Variants in ATP2B2 observed in about 807,000 individuals in gnomAD.
ATP2B2 encodes the protein ATPase plasma membrane Ca2+ transporting 2.
In ATP2B2, 15 loss-of-function variants were observed where a neutral mutation model predicts 120.0. That is an observed-to-expected ratio of 0.12 (90% CI 0.08 to 0.19). The LOEUF (loss-of-function observed/expected upper bound fraction) is 0.19, where lower values mean the gene tolerates loss of function less well. Among genes scored for constraint, ATP2B2 ranks in the 10% least tolerant of loss-of-function variants. ATP2B2 has a pLI of 1.00. For missense variants in ATP2B2, 1,045 were observed against 1,719.8 expected (o/e 0.61, Z 6.94); for synonymous variants, 694 against 700.3 (o/e 0.99, Z 0.14).
intron 2 of ATP2B2, among the ~76,000 whole-genome samples, chr3:10,566,692 A>G (rs1266524307): frequency 2.6e-5 from 4 of 152,252 alleles, no homozygotes; most frequent in African/African-American, 9.6e-5. Context: ...TATACATCAA[A>G]TCACTGGAAA....
chr3:10,350,925 T>A (rs764946049), intron 14 of ATP2B2, among the ~76,000 whole-genome samples: 15 of 152,174 alleles, frequency 9.9e-5, no homozygotes, highest in Non-Finnish European at 2.1e-4. Flanking sequence ...GAACGCCTCC[T>A]CAGATCTGGC....
Position 10,338,258 on chromosome 3 carries a change from A to T in ATP2B2, c.3338T>A (p.Val1113Glu). The part of the protein sequence containing the change: ...EIPEEELNED[V>E]EEIDHAEREL... Reference sequence around the variant, plus strand: ...CCGCTCCGCGTGGTCGATCTCCTCCACGTCCTCGTTGAGCTCCTCCTCCGG... The same window carrying T: ...CCGCTCCGCGTGGTCGATCTCCTCCTCGTCCTCGTTGAGCTCCTCCTCCGG... The change falls in exon 22 of 23, where the codon GTG becomes GAG. Residue 1113 changes from valine to glutamate, a missense_variant. Physicochemically the swap from Val to Glu is moderately radical, Grantham distance 121. Transcript: ENST00000360273. The T allele has an allele frequency of 3.7e-6, 6 of 1,613,982 alleles. No homozygotes were observed. Among genetic ancestry groups the T allele is most frequent in the Non-Finnish European group, 4.2e-6 (5 of 1,179,938 alleles).
intron 1 of ATP2B2, among the ~76,000 whole-genome samples, chr3:10,679,189 A>G (rs1559517862): frequency 6.6e-6 from 1 of 152,202 alleles, no homozygotes; most frequent in Non-Finnish European, 1.5e-5. Context: ...TGAGACCCCA[A>G]GCAGAGGATA....
At chr3:10,678,962 G>T (rs1046353659) in intron 1 of ATP2B2, among the ~76,000 whole-genome samples, 2 of 152,176 alleles carry the variant, frequency 1.3e-5, no homozygotes, top group Non-Finnish European at 2.9e-5. Context: ...GCCAAATGTA[G>T]ATTGTTGTAG....
chr3:10,634,977 G>T (rs905887401), intron 1 of ATP2B2, among the ~76,000 whole-genome samples: 71 of 152,298 alleles, frequency 4.7e-4, no homozygotes, highest in African/African-American at 1.6e-3. Context: ...TGGGGTGGGT[G>T]TGTCAGGGAG....
At chr3:10,642,148 C>T (rs2070191147) in intron 1 of ATP2B2, among the ~76,000 whole-genome samples, 1 of 152,212 alleles carries the variant, frequency 6.6e-6, no homozygotes, top group African/African-American at 2.4e-5. Context: ...GTGAATCTGG[C>T]TTTGTCACTT....
rs574053109 is a variant in ATP2B2, at chr3:10,504,178, A to G, written c.-320+1287T>C. Among the ~76,000 whole-genome samples the G allele has an allele frequency of 2.0e-5, 3 of 151,898 alleles. No homozygotes were observed. In the East Asian group the frequency reaches 5.8e-4, roughly 29 times the overall value. Reference sequence around the variant, plus strand: ...ATCTTTCCTGGACCCCCAACCCCCCACAGGACTCCCCAGAGCTGCAGCCCC... The same window carrying G: ...ATCTTTCCTGGACCCCCAACCCCCCGCAGGACTCCCCAGAGCTGCAGCCCC... On this transcript the variant is annotated intron_variant, in intron 1 of 22. Transcript: ENST00000360273.
chr3:10,629,470 T>C (rs1412716640), intron 1 of ATP2B2, among the ~76,000 whole-genome samples: 1 of 152,216 alleles, frequency 6.6e-6, no homozygotes, highest in Non-Finnish European at 1.5e-5. Context: ...ATAGGGCACA[T>C]TTCCCGCCGA....
chr3:10,346,024 T>C lies in ATP2B2; in HGVS notation c.2511+7A>G, dbSNP rs2060421928. 6.2e-7 allele frequency: 1 copy of C among 1,609,886 alleles called. No homozygotes were observed. Among genetic ancestry groups the C allele is most frequent in the Admixed American group, 1.7e-5 (1 of 59,954 alleles). Reference sequence around the variant, plus strand: ...ACCACCCCAGGCCCTCTGTGGGCCGTTCCTACCATGGCGAAGCCCACGTCG... The same window carrying C: ...ACCACCCCAGGCCCTCTGTGGGCCGCTCCTACCATGGCGAAGCCCACGTCG... On this transcript the variant is annotated splice_region_variant and intron_variant, in intron 17 of 22. Coordinates refer to ENST00000360273, the MANE Select transcript of ATP2B2 (RefSeq NM_001001331.4). This position sits in a 1 kb window ranked among gnomAD's most constrained non-coding sequence, Gnocchi z 4.1.
intron 1 of ATP2B2, among the ~76,000 whole-genome samples, chr3:10,483,914 G>T (rs900398447): frequency 4.3e-5 from 6 of 138,230 alleles, no homozygotes; most frequent in Admixed American, 3.0e-4. Context: ...GAGGCCCAGG[G>T]ATCAAGGCGG....
chr3:10,515,120 T>C (rs1262480657), intron 3 of ATP2B2, among the ~76,000 whole-genome samples: 2 of 152,204 alleles, frequency 1.3e-5, no homozygotes, highest in Middle Eastern at 3.2e-3. Context: ...ATCAAAGAGA[T>C]GTGGGATTGA....
intron 1 of ATP2B2, among the ~76,000 whole-genome samples, chr3:10,658,542 G>GA (rs1216908954): frequency 6.6e-6 from 1 of 152,114 alleles, no homozygotes; most frequent in East Asian, 1.9e-4. Flanking sequence ...GAAGTTTAGA[G>GA]AAAAAAGAGT....
chr3:10,672,811 G>T (rs1454682196), intron 1 of ATP2B2, among the ~76,000 whole-genome samples: 1 of 152,202 alleles, frequency 6.6e-6, no homozygotes, highest in Admixed American at 6.5e-5. Flanking sequence ...GGGCTGAAGG[G>T]AAGCCAAAGG....
chr3:10,611,418 G>C (rs376071018), intron 2 of ATP2B2, among the ~76,000 whole-genome samples: 1 of 152,058 alleles, frequency 6.6e-6, no homozygotes, highest in Non-Finnish European at 1.5e-5. Context: ...GGGATACATC[G>C]GTGTCGTCCA....
intron 1 of ATP2B2, among the ~76,000 whole-genome samples, chr3:10,503,831 C>T (rs1216898624): frequency 6.6e-6 from 1 of 152,236 alleles, no homozygotes; most frequent in Non-Finnish European, 1.5e-5. Context: ...GCACTGTGTG[C>T]AGCCTACTGC....
chr3:10,543,085 A>G (rs748415900), intron 2 of ATP2B2, among the ~76,000 whole-genome samples: 3 of 152,152 alleles, frequency 2.0e-5, no homozygotes, highest in South Asian at 2.1e-4. Flanking sequence ...TTTCAGTTCA[A>G]TCATTCCTTC....
chr3:10,408,001 C>T (rs1161937454), intron 3 of ATP2B2, among the ~76,000 whole-genome samples: 1 of 152,186 alleles, frequency 6.6e-6, no homozygotes. Context: ...GACTCTGGTG[C>T]CTTCCAAGAT....
chr3:10,582,085 C>A (rs890947454), intron 2 of ATP2B2, among the ~76,000 whole-genome samples: 1 of 152,164 alleles, frequency 6.6e-6, no homozygotes, highest in Admixed American at 6.5e-5. Context: ...TTATTTTTAA[C>A]GAGACATACT....
chr3:10,441,393 T>A (rs1276582894), intron 2 of ATP2B2, among the ~76,000 whole-genome samples: 1 of 152,102 alleles, frequency 6.6e-6, no homozygotes, highest in Non-Finnish European at 1.5e-5. Flanking sequence ...GCGTGCGCCA[T>A]CACACCCAGC....
Sources: allele counts gnomAD v4.1 joint callset (sites outside exome capture counted in the v4.1 genomes callset), GRCh38; gene constraint gnomAD v4.1.1; non-coding constraint Gnocchi (gnomAD v3.1); transcripts MANE v1.5; gene names NCBI Gene and HGNC (gene_info 2026-07-23, HGNC 2026-07-21).